COL21A1: variants seen among roughly 807,000 people sequenced by gnomAD.
The protein encoded by COL21A1 is collagen alpha-1(XXI) chain.
Under a neutral mutation model 137.9 loss-of-function variants are expected in COL21A1, and 149 were observed. The observed-to-expected ratio is 1.08, with a 90% CI of 0.95 to 1.24. COL21A1 has a LOEUF of 1.24. Among genes scored for constraint, COL21A1 ranks in the 50% most tolerant of loss-of-function variants. The pLI is 0.00. For synonymous variants in COL21A1, 456 were observed against 391.5 expected (o/e 1.16, Z -1.95); for missense variants, 1,167 against 1,158.4 (o/e 1.01, Z -0.11).
intron 1 of COL21A1, among the ~76,000 whole-genome samples, chr6:56,280,389 G>A (rs1206780776): frequency 6.6e-6 from 1 of 152,064 alleles, no homozygotes; most frequent in Non-Finnish European, 1.5e-5. Context: ...TATTATTATG[G>A]ATTCTTTGCA....
intron 1 of COL21A1, among the ~76,000 whole-genome samples, chr6:56,390,090 A>C (rs900054237): frequency 6.6e-6 from 1 of 152,240 alleles, no homozygotes; most frequent in African/African-American, 2.4e-5. Flanking sequence ...AAAGACTAGA[A>C]GACAAAACAA....
At position 56,164,451 on chromosome 6, in the gene COL21A1, G is replaced by C; in HGVS notation, c.1343C>G (p.Pro448Arg). The change falls in exon 9 of 30, where the codon CCG becomes CGG. Residue 448 changes from proline to arginine, a missense_variant. Transcript: ENST00000244728. ...GSTPAPCICPPGKPGLQGPKG... is the reference protein window; with the variant it reads ...GSTPAPCICPRGKPGLQGPKG... ...GGGGCCTTGAAGTCCTGGTTTTCCC[G>C]GAGGACAAATACAGGGAGCTGGAGT... 2 of 1,589,146 alleles carry C rather than the reference G, an allele frequency of 1.3e-6. No individual in the cohort carries two copies. Among genetic ancestry groups the C allele is most frequent in the Non-Finnish European group, 1.7e-6 (2 of 1,166,714 alleles).
intron 1 of COL21A1, among the ~76,000 whole-genome samples, chr6:56,298,783 C>T (rs551713546): frequency 5.9e-5 from 9 of 152,190 alleles, no homozygotes; most frequent in Middle Eastern, 3.4e-3. Flanking sequence ...AGAGACCAGA[C>T]GCAGAGTTCC....
chr6:56,206,699 T>TAAATAAATAA (rs1332278144), intron 1 of COL21A1, among the ~76,000 whole-genome samples: 2 of 11,834 alleles, frequency 1.7e-4, no homozygotes, highest in Admixed American at 1.3e-3. Flanking sequence ...AATAAATAAA[T>TAAATAAATAA]ATATATATAT....
At chr6:56,062,059 A>G (rs1019156113) in intron 24 of COL21A1, among the ~76,000 whole-genome samples, 1 of 152,144 alleles carries the variant, frequency 6.6e-6, no homozygotes, top group Non-Finnish European at 1.5e-5. Context: ...TTCAGTGATT[A>G]AGATGACTAG....
chr6:56,260,696 G>T (rs12195313), intron 1 of COL21A1, among the ~76,000 whole-genome samples: 2,151 of 45,646 alleles, frequency 0.047, 83 homozygotes, highest in African/African-American at 0.14. Context: ...AGGAAGGCAG[G>T]CAGGCAGGCA....
Position 56,060,767 on chromosome 6 carries a change from C to A in COL21A1, c.2381G>T (p.Arg794Leu). The change falls in exon 27 of 30, where the codon CGA (arginine) becomes CTA (leucine). Residue 794 changes from arginine to leucine, a missense_variant. Arg to Leu is a moderately radical substitution (Grantham distance 102). Coordinates refer to ENST00000244728, the MANE Select transcript of COL21A1 (RefSeq NM_030820.4). ...TCTTATTACATCTGTGCAAACTTGTCGAATAAATTGTTCTGAAAACTCTCT... is the reference window on the plus strand; with the variant it reads ...TCTTATTACATCTGTGCAAACTTGTAGAATAAATTGTTCTGAAAACTCTCT... Reference protein sequence around the residue: ...PGREFSEQFIRQVCTDVIRAQ... With the variant: ...PGREFSEQFILQVCTDVIRAQ... 1 of 1,609,750 alleles carries A rather than the reference C, an allele frequency of 6.2e-7. No homozygotes were observed. Among genetic ancestry groups the A allele is most frequent in the Admixed American group, 1.7e-5 (1 of 58,872 alleles).
Position 56,304,524 on chromosome 6 carries a change from G to A in COL21A1, c.-39+89447C>T, listed in dbSNP as rs572244845. Among the ~76,000 whole-genome samples, 84 of 151,560 alleles carry A rather than the reference G, an allele frequency of 5.5e-4. 1 individual carries two copies. The South Asian group carries it at 0.018, about 32-fold the overall frequency. On this transcript the variant is annotated intron_variant, in intron 1 of 28. Transcript: ENST00000370819. ...GATTTTCTAGTTTATTTGCGTAGAG[G>A]TGTTTACAGTATTCTCTGATGGTAG...
At chr6:56,229,796 G>A (rs138827227) in intron 1 of COL21A1, among the ~76,000 whole-genome samples, 25 of 152,002 alleles carry the variant, frequency 1.6e-4, no homozygotes, top group East Asian at 1.9e-4. Context: ...GCCAGAAAAC[G>A]TAATCTGACT....
chr6:56,184,284 A>G (rs891872508), intron 1 of COL21A1, among the ~76,000 whole-genome samples: 8 of 152,200 alleles, frequency 5.3e-5, no homozygotes, highest in Admixed American at 1.3e-4. Flanking sequence ...AAAAGTGGCC[A>G]GAGGAAAAGT....
chr6:56,150,154 CTA>C (rs1428394016), intron 10 of COL21A1, among the ~76,000 whole-genome samples: 3 of 152,108 alleles, frequency 2.0e-5, no homozygotes, highest in African/African-American at 7.2e-5. Flanking sequence ...CCTCATATTT[CTA>C]TGAGGTTTAA....
intron 12 of COL21A1, chr6:56,126,368 T>C: frequency 2.2e-6 from 1 of 449,746 alleles, no homozygotes; most frequent in Non-Finnish European, 4.0e-6. Context: ...GCTAAGAAAA[T>C]CTCACTAGCA....
At chr6:56,115,745 G>A (rs1439960479) in intron 16 of COL21A1, among the ~76,000 whole-genome samples, 13 of 152,060 alleles carry the variant, frequency 8.5e-5, no homozygotes. Flanking sequence ...TTCAAAATAG[G>A]TGTGTTGAGA....
At chr6:56,248,059 A>C (rs2152328445), upstream of COL21A1, among the ~76,000 whole-genome samples, 1 of 152,354 alleles carries the variant, frequency 6.6e-6, no homozygotes. Context: ...TCAAGTAGGC[A>C]GTGACCTTTA....
At chr6:56,123,958 A>G in intron 16 of COL21A1, 104 bp downstream of exon 16, 1 of 944,842 alleles carries the variant, frequency 1.1e-6, no homozygotes, top group Middle Eastern at 3.4e-4. Context: ...TTTTATCCCA[A>G]TGCCACATGT....
At chr6:56,230,779 C>T (rs1038035322) in intron 1 of COL21A1, among the ~76,000 whole-genome samples, 4 of 151,936 alleles carry the variant, frequency 2.6e-5, no homozygotes, top group Admixed American at 6.6e-5. Context: ...ATTTGAAATA[C>T]GCTAGCTGTA....
rs146417273 is a variant in COL21A1 at position 56,381,649 on chromosome 6, T to C, written c.-39+12322A>G. The stretch of plus-strand genomic sequence containing the variant: ...ACATTAAATTTCACCGAACATAAGC[T>C]ACAAAAGTTGCTTTTAACAATTATA... On this transcript the variant is annotated intron_variant, in intron 1 of 28. Coordinates refer to the COL21A1 transcript ENST00000370819. Among the ~76,000 whole-genome samples the C allele has an allele frequency of 1.4e-4, 21 of 152,360 alleles. No homozygotes were observed. The East Asian group carries it at 4.0e-3, about 29-fold the overall frequency.
At chr6:56,389,501 C>T (rs979178474) in intron 1 of COL21A1, among the ~76,000 whole-genome samples, 3 of 150,734 alleles carry the variant, frequency 2.0e-5, no homozygotes, top group Non-Finnish European at 4.4e-5. Context: ...GAGAGAGATA[C>T]TGGGGTGGGA....
At chr6:56,381,840 C>T (rs754297306) in intron 1 of COL21A1, among the ~76,000 whole-genome samples, 2 of 152,200 alleles carry the variant, frequency 1.3e-5, no homozygotes, top group African/African-American at 2.4e-5. Flanking sequence ...GGAAGTCACA[C>T]TTCCAGCACC....
Sources: gnomAD v4.1 joint callset for allele counts (sites outside exome capture counted in the v4.1 genomes callset) on GRCh38, gnomAD v4.1.1 for gene constraint, MANE v1.5 for transcripts, NCBI Gene and HGNC (gene_info 2026-07-23, HGNC 2026-07-21) for gene names.